The following ABTB2 variants were observed in gnomAD, a reference collection of about 807,000 sequenced individuals.
ABTB2 encodes the protein ankyrin repeat and BTB domain containing 2.
ABTB2 carries 56 observed loss-of-function variants against 104.1 expected under a neutral mutation model. The observed-to-expected ratio is 0.54, with a 90% CI of 0.43 to 0.67. The LOEUF is 0.67. ABTB2 is among the 30% of genes least tolerant of loss of function. ABTB2 has a pLI of 0.00. For missense variants in ABTB2, 1,279 were observed against 1,407.7 expected (o/e 0.91, Z 1.46); for synonymous variants, 606 against 608.2 (o/e 1.00, Z 0.05).
intron 1 of ABTB2, among the ~76,000 whole-genome samples, chr11:34,230,513 C>G (rs895372451): frequency 2.0e-5 from 3 of 152,128 alleles, no homozygotes; most frequent in Non-Finnish European, 4.4e-5. Context: ...AAAAATGGTA[C>G]CTGGAACAAG....
chr11:34,212,043 G>A (rs1853487093), intron 1 of ABTB2, among the ~76,000 whole-genome samples: 1 of 151,992 alleles, frequency 6.6e-6, no homozygotes, highest in Non-Finnish European at 1.5e-5. Flanking sequence ...GAGATAAGGG[G>A]AAGTTTGAGA....
chr11:34,159,194 G>A, intron 14 of ABTB2, 102 bp downstream of exon 14: 1 of 835,230 alleles, frequency 1.2e-6, no homozygotes, highest in African/African-American at 1.7e-5. Context: ...AAGGCACTGG[G>A]AATAGAGTGA....
chr11:34,300,037 C>T (rs1854681185), intron 1 of ABTB2, among the ~76,000 whole-genome samples: 1 of 152,056 alleles, frequency 6.6e-6, no homozygotes, highest in African/African-American at 2.4e-5. Flanking sequence ...GCCTCCTACG[C>T]TTGGTGGGGG....
intron 1 of ABTB2, among the ~76,000 whole-genome samples, chr11:34,273,401 C>G (rs1190575833): frequency 6.6e-6 from 1 of 152,184 alleles, no homozygotes; most frequent in Non-Finnish European, 1.5e-5. Flanking sequence ...TCGACCGACT[C>G]CAGGTTTGCT....
At chr11:34,227,722 C>A (rs1163507459) in intron 1 of ABTB2, among the ~76,000 whole-genome samples, 1 of 151,432 alleles carries the variant, frequency 6.6e-6, no homozygotes, top group African/African-American at 2.4e-5. Flanking sequence ...GTAATTGTAA[C>A]TTTTTTTTTC....
At chr11:34,238,573 C>T (rs1026152783) in intron 1 of ABTB2, among the ~76,000 whole-genome samples, 5 of 152,170 alleles carry the variant, frequency 3.3e-5, no homozygotes, top group African/African-American at 1.2e-4. Flanking sequence ...AATCCGGTAC[C>T]TACCACGTGC....
rs527539316 is a variant in ABTB2 at position 34,183,964 on chromosome 11, A to T, written c.1245-10657T>A. Among the ~76,000 whole-genome samples, 3 of 152,186 alleles carry T rather than the reference A, an allele frequency of 2.0e-5. No homozygotes were observed. The South Asian group carries it at 6.2e-4, about 32-fold the overall frequency. On this transcript the variant is annotated intron_variant, in intron 3 of 16. Transcript: ENST00000435224. Reference sequence around the variant, plus strand: ...AGTTTTCCTCTGTTGCCCAGGCTGGAGTGCAGTGGTGCAATCAAGGGTCAC... The same window carrying T: ...AGTTTTCCTCTGTTGCCCAGGCTGGTGTGCAGTGGTGCAATCAAGGGTCAC...
chr11:34,162,440 C>T (rs1272118063), intron 10 of ABTB2, 136 bp downstream of exon 10: 13 of 950,070 alleles, frequency 1.4e-5, no homozygotes, highest in Non-Finnish European at 2.0e-5. Flanking sequence ...TCCACCCAGT[C>T]TGTGCTCAGC....
intron 1 of ABTB2, among the ~76,000 whole-genome samples, chr11:34,309,791 C>CAA (rs35553114): frequency 4.3e-5 from 6 of 140,264 alleles, no homozygotes; most frequent in East Asian, 2.1e-4. Context: ...TGATCAGAGT[C>CAA]AAAAAAAAAA....
rs1444211983 is a variant in ABTB2, at chr11:34,164,830, G to A, written c.1853-9C>T. Reference sequence around the variant, plus strand: ...GACCAGCTCATAGTTCCCTGAAAGAGAAGGTGGGCAGCACGGAGGACACTG... The same window carrying A: ...GACCAGCTCATAGTTCCCTGAAAGAAAAGGTGGGCAGCACGGAGGACACTG... On this transcript the variant is annotated splice_polypyrimidine_tract_variant and intron_variant, in intron 8 of 16. Coordinates refer to ENST00000435224, the MANE Select transcript of ABTB2 (RefSeq NM_145804.3). 3.8e-6 allele frequency: 6 copies of A among 1,587,874 alleles called. No homozygotes were observed. The highest frequency in any genetic ancestry group is 5.1e-6 in the Non-Finnish European group (6 of 1,172,034).
At chr11:34,206,140 A>C (rs1266230077) in intron 1 of ABTB2, among the ~76,000 whole-genome samples, 7 of 152,136 alleles carry the variant, frequency 4.6e-5, no homozygotes, top group Non-Finnish European at 1.0e-4. Flanking sequence ...TGGGTAAATC[A>C]CTTGAGGTCA....
chr11:34,306,516 T>C (rs889425830), intron 1 of ABTB2, among the ~76,000 whole-genome samples: 4 of 152,062 alleles, frequency 2.6e-5, no homozygotes, highest in Non-Finnish European at 5.9e-5. Context: ...CAAAGTGCTA[T>C]GATTACAGGC....
chr11:34,318,051 C>CTG (rs1854960513), intron 1 of ABTB2, among the ~76,000 whole-genome samples: 2 of 151,862 alleles, frequency 1.3e-5, no homozygotes, highest in Admixed American at 6.5e-5. Flanking sequence ...ACTGCAACCT[C>CTG]CAGCTCCTGG....
intron 1 of ABTB2, among the ~76,000 whole-genome samples, chr11:34,221,975 G>A (rs1467440342): frequency 1.3e-5 from 2 of 152,144 alleles, no homozygotes; most frequent in Non-Finnish European, 2.9e-5. Context: ...AACCTGGGAG[G>A]CGGAGGTTGC....
intron 1 of ABTB2, among the ~76,000 whole-genome samples, chr11:34,320,109 C>T (rs1231602090): frequency 6.6e-6 from 1 of 152,202 alleles, no homozygotes; most frequent in African/African-American, 2.4e-5. Flanking sequence ...TAGTTCAGTA[C>T]TTGAAACATA....
Position 34,310,154 on chromosome 11 carries a change from T to C in ABTB2, c.883+46547A>G, listed in dbSNP as rs543290676. On this transcript the variant is annotated intron_variant, in intron 1 of 16. Transcript: ENST00000435224. Reference sequence around the variant, plus strand: ...GACAGGAGCTCAGGGAGGAAAGCACTGAGAGCCCAGGAAGGGCTCGAGAAG... The same window carrying C: ...GACAGGAGCTCAGGGAGGAAAGCACCGAGAGCCCAGGAAGGGCTCGAGAAG... Among the ~76,000 whole-genome samples the C allele has an allele frequency of 2.0e-5, 3 of 152,328 alleles. 1 individual carries two copies. In the East Asian group the frequency reaches 5.8e-4, roughly 29 times the overall value.
chr11:34,266,220 C>G (rs1854247576), intron 1 of ABTB2, among the ~76,000 whole-genome samples: 2 of 152,142 alleles, frequency 1.3e-5, no homozygotes, highest in Non-Finnish European at 2.9e-5. Flanking sequence ...GTAGCTGGGA[C>G]TCCAGGCACA....
chr11:34,274,944 G>A (rs991054336), intron 1 of ABTB2, among the ~76,000 whole-genome samples: 7 of 152,144 alleles, frequency 4.6e-5, no homozygotes, highest in South Asian at 4.2e-4. Context: ...GGAGAGAACC[G>A]GACCAGCAGC....
intron 3 of ABTB2, among the ~76,000 whole-genome samples, chr11:34,187,267 T>A (rs528077128): frequency 6.6e-6 from 1 of 152,174 alleles, no homozygotes; most frequent in Non-Finnish European, 1.5e-5. Context: ...CCATTGCACA[T>A]AGGCACTATG....
Sources: gnomAD v4.1 joint callset for allele counts (sites outside exome capture counted in the v4.1 genomes callset) on GRCh38, gnomAD v4.1.1 for gene constraint, MANE v1.5 for transcripts, NCBI Gene and HGNC (gene_info 2026-07-23, HGNC 2026-07-21) for gene names.